Variants in EVI5 observed in about 807,000 individuals in gnomAD.
EVI5 encodes the protein ecotropic viral integration site 5 protein homolog.
EVI5 carries 73 observed loss-of-function variants against 112.0 expected under a neutral mutation model. The observed-to-expected ratio is 0.65, with a 90% CI of 0.54 to 0.79. EVI5 has a LOEUF of 0.79. Among genes scored for constraint, EVI5 ranks in the 30% least tolerant of loss-of-function variants. The pLI is 0.00. For missense variants in EVI5, 900 were observed against 968.8 expected (o/e 0.93, Z 0.94); for synonymous variants, 305 against 319.9 (o/e 0.95, Z 0.50).
intron 19 of EVI5, among the ~76,000 whole-genome samples, chr1:92,562,721 T>G (rs957651199): frequency 1.3e-5 from 2 of 152,190 alleles, no homozygotes; most frequent in African/African-American, 4.8e-5. Context: ...CATTTAGAAT[T>G]AACTCTTAGA....
chr1:92,535,909 A>T (rs1005222978), intron 19 of EVI5, among the ~76,000 whole-genome samples: 1 of 151,428 alleles, frequency 6.6e-6, no homozygotes, highest in East Asian at 1.9e-4. Flanking sequence ...ACAGTATAAT[A>T]AAAAAAAAGA....
At chr1:92,759,059 T>A (rs972124529) in intron 1 of EVI5, among the ~76,000 whole-genome samples, 2 of 152,040 alleles carry the variant, frequency 1.3e-5, no homozygotes, top group African/African-American at 4.8e-5. Context: ...TGAAACCCCA[T>A]CTCTACCGAA....
At chr1:92,751,503 C>G (rs1378718099) in intron 1 of EVI5, among the ~76,000 whole-genome samples, 1 of 152,136 alleles carries the variant, frequency 6.6e-6, no homozygotes, top group Non-Finnish European at 1.5e-5. Flanking sequence ...AACTGTGATC[C>G]CAGGTATTCC....
chr1:92,766,206 G>T (rs1050612413), intron 1 of EVI5, among the ~76,000 whole-genome samples: 2 of 151,166 alleles, frequency 1.3e-5, no homozygotes, highest in Non-Finnish European at 2.9e-5. Flanking sequence ...ACCTAAAATT[G>T]TTATACCTAA....
chr1:92,708,926 G>C (rs1162809757), intron 2 of EVI5, among the ~76,000 whole-genome samples: 5 of 152,152 alleles, frequency 3.3e-5, no homozygotes, highest in African/African-American at 1.2e-4. Context: ...ATCAGCAGCT[G>C]CTGAGGGTTG....
chr1:92,783,208 G>C (rs1172563703), intron 1 of EVI5, among the ~76,000 whole-genome samples: 1 of 151,968 alleles, frequency 6.6e-6, no homozygotes, highest in Non-Finnish European at 1.5e-5. Flanking sequence ...CTCGGAAATC[G>C]TAGTTATCAT....
At chr1:92,702,342 G>A (rs1275208913) in intron 4 of EVI5, 127 bp from the exon 5 acceptor site, 1 of 560,694 alleles carries the variant, frequency 1.8e-6, no homozygotes, top group East Asian at 3.8e-5. Context: ...TTGCTTGCTT[G>A]TTATAGATGT....
chr1:92,642,441 T>C (rs1660169090), intron 13 of EVI5, among the ~76,000 whole-genome samples: 1 of 152,220 alleles, frequency 6.6e-6, no homozygotes, highest in South Asian at 2.1e-4. Context: ...AGTTAAAGAA[T>C]TTACCAAATT....
chr1:92,707,593 A>AAAACC (rs1207971400), intron 2 of EVI5, among the ~76,000 whole-genome samples: 1 of 152,240 alleles, frequency 6.6e-6, no homozygotes, highest in Admixed American at 6.5e-5. Context: ...AATGCAAGTT[A>AAAACC]AAACCAAACT....
At chr1:92,755,406 G>A (rs372103832) in intron 1 of EVI5, among the ~76,000 whole-genome samples, 12 of 152,098 alleles carry the variant, frequency 7.9e-5, no homozygotes, top group African/African-American at 2.2e-4. Flanking sequence ...GCAAGATTCC[G>A]TCTTAAAAAC....
intron 18 of EVI5, among the ~76,000 whole-genome samples, chr1:92,567,091 C>T (rs747702323): frequency 3.9e-5 from 6 of 151,930 alleles, no homozygotes; most frequent in Non-Finnish European, 8.8e-5. Flanking sequence ...GATTTACAGG[C>T]GTGAGCCACC....
chr1:92,782,156 G>C (rs1684948614), intron 1 of EVI5, among the ~76,000 whole-genome samples: 1 of 151,388 alleles, frequency 6.6e-6, no homozygotes, highest in Non-Finnish European at 1.5e-5. Context: ...CTACTCAGTA[G>C]GCTGAGGCAG....
chr1:92,750,052 TACAGAATATATA>T (rs1679935100), intron 1 of EVI5, among the ~76,000 whole-genome samples: 1 of 152,284 alleles, frequency 6.6e-6, no homozygotes, highest in African/African-American at 2.4e-5. Flanking sequence ...AATTATCAAA[TACAGAATATATA>T]ACTACTTTTA....
intron 16 of EVI5, among the ~76,000 whole-genome samples, chr1:92,611,799 C>T (rs1651883730): frequency 6.6e-6 from 1 of 151,162 alleles, no homozygotes; most frequent in Admixed American, 6.6e-5. Flanking sequence ...GTCCCAGCTA[C>T]TTGGGAGGCT....
chr1:92,531,131 C>T (rs1225353907), intron 19 of EVI5, among the ~76,000 whole-genome samples: 1 of 151,728 alleles, frequency 6.6e-6, no homozygotes, highest in Non-Finnish European at 1.5e-5. Context: ...ATGAGAATTT[C>T]ATGAAGCATA....
At chr1:92,682,013 T>C (rs1039621998) in intron 9 of EVI5, among the ~76,000 whole-genome samples, 1 of 152,150 alleles carries the variant, frequency 6.6e-6, no homozygotes, top group Non-Finnish European at 1.5e-5. Context: ...GGTTTTACTA[T>C]GTTGCCCAGG....
intron 13 of EVI5, among the ~76,000 whole-genome samples, chr1:92,642,344 C>A (rs545017181): frequency 6.6e-6 from 1 of 152,096 alleles, no homozygotes; most frequent in African/African-American, 2.4e-5. Flanking sequence ...TAATCACATA[C>A]GAATGTAAAA....
chr1:92,564,498 T>A (rs74102906), intron 18 of EVI5, among the ~76,000 whole-genome samples: 4,612 of 152,124 alleles, frequency 0.03, 174 homozygotes, highest in African/African-American at 0.089. Context: ...TTGAGTCTCC[T>A]CTGGTTAATT....
At chr1:92,617,607 G>A (rs1444730057) in intron 16 of EVI5, among the ~76,000 whole-genome samples, 1 of 152,204 alleles carries the variant, frequency 6.6e-6, no homozygotes, top group Non-Finnish European at 1.5e-5. Context: ...CATGGTCTCA[G>A]CAACATGGAT....
Sources: gnomAD v4.1 joint callset for allele counts (sites outside exome capture counted in the v4.1 genomes callset) on GRCh38, gnomAD v4.1.1 for gene constraint, MANE v1.5 for transcripts, NCBI Gene and HGNC (gene_info 2026-07-23, HGNC 2026-07-21) for gene names.